The following NLRP12 variants were observed in gnomAD, a reference collection of about 807,000 sequenced individuals.
NLRP12 encodes NLR family pyrin domain containing 12, also known as NACHT, LRR and PYD domains-containing protein 12.
A neutral mutation model predicts 91.2 loss-of-function variants in NLRP12; 108 were observed. The observed-to-expected ratio is 1.18, with a 90% CI of 1.01 to 1.39. NLRP12 has a LOEUF of 1.39. Ranked by LOEUF, NLRP12 falls within the 40% of genes most tolerant of loss-of-function variation. NLRP12 has a pLI of 0.00. For missense variants in NLRP12, 1,530 were observed against 1,352.7 expected (o/e 1.13, Z -2.06); for synonymous variants, 613 against 566.7 (o/e 1.08, Z -1.16).
Position 53,819,600 on chromosome 19 carries a change from C to T in NLRP12, c.289+4286G>A, listed in dbSNP as rs796623529. 4.8e-3 allele frequency among the ~76,000 whole-genome samples: 124 copies of T among 25,616 alleles called. 13 individuals are homozygous for T. Among genetic ancestry groups the T allele is most frequent in the African/African-American group, 0.013 (103 of 7,900 alleles). The allele number at this position is 25,616 out of a possible 152,430, so 16.8% of individuals were successfully genotyped here. A position where few individuals can be genotyped will look rare whatever the true frequency, so the allele number is the denominator to read the frequency against. On this transcript the variant is annotated intron_variant, in intron 1 of 9. Coordinates refer to ENST00000324134, the MANE Select transcript of NLRP12 (RefSeq NM_144687.4). ...ATATATGTATGTATACGTATATACG[C>T]ATATATATGTATGTATACGTATATA...
intron 6 of NLRP12, 24 bp downstream of exon 6, chr19:53,803,928 T>C (rs780848189): frequency 6.2e-7 from 1 of 1,610,380 alleles, no homozygotes; most frequent in African/African-American, 1.3e-5. Flanking sequence ...CATTTTATTA[T>C]AGTTGACCCC....
intron 3 of NLRP12, 37 bp from the exon 4 acceptor site, chr19:53,807,702 C>T (rs376792117): frequency 1.5e-5 from 24 of 1,612,320 alleles, no homozygotes; most frequent in Middle Eastern, 3.3e-4. Flanking sequence ...TCTGGTGTTA[C>T]TGGTGCTTGA....
In NLRP12 at chr19:53,813,289, T is replaced by TTC. The variant is rs1182234951; in HGVS notation, c.370+1618_370+1619insGA. On this transcript the variant is annotated intron_variant, in intron 2 of 9. Transcript: ENST00000324134. ...CCCTGGCAACTGCTATTCTTTTTTT[T>TTC]TTTTCTTTTCTTTTTTTTTTTTTTT... Among the ~76,000 whole-genome samples, 165 of 139,960 alleles carry TTC rather than the reference T, an allele frequency of 1.2e-3. 1 individual carries two copies. Among genetic ancestry groups the TTC allele is most frequent in the South Asian group, 1.8e-3 (8 of 4,350 alleles). 91.8% of individuals were successfully genotyped at this position (139,960 alleles called of 152,430 possible).
intron 9 of NLRP12, among the ~76,000 whole-genome samples, chr19:53,795,380 A>AT (rs71304175): frequency 0.53 from 77,799 of 147,770 alleles, 20,509 homozygotes; most frequent in South Asian, 0.63. Flanking sequence ...AGACAAGGAA[A>AT]TTTTTTTTTT....
At chr19:53,816,849 A>C in intron 1 of NLRP12, among the ~76,000 whole-genome samples, 1 of 151,082 alleles carries the variant, frequency 6.6e-6, no homozygotes, top group Non-Finnish European at 1.5e-5. Context: ...GCCACTCAAA[A>C]ATTTTTAATT....
At chr19:53,805,522 T>TTC in intron 4 of NLRP12, 72 bp from the exon 5 acceptor site, 1 of 997,018 alleles carries the variant, frequency 1.0e-6, no homozygotes, top group Non-Finnish European at 1.3e-6. Context: ...TTTCTTTTGC[T>TTC]TTTTTTTTTT....
chr19:53,800,475 G>A (rs1487852816), intron 7 of NLRP12, among the ~76,000 whole-genome samples: 2 of 152,080 alleles, frequency 1.3e-5, no homozygotes, highest in Non-Finnish European at 2.9e-5. Flanking sequence ...AAAGTAAAGA[G>A]TGTTCAGAAG....
intron 4 of NLRP12, among the ~76,000 whole-genome samples, chr19:53,806,580 C>A (rs372301587): frequency 6.8e-6 from 1 of 147,920 alleles, no homozygotes; most frequent in African/African-American, 2.5e-5. Context: ...ACTCAGGAGG[C>A]CGAGGCAGGA....
intron 1 of NLRP12, among the ~76,000 whole-genome samples, chr19:53,818,463 T>C (rs552759457): frequency 6.6e-6 from 1 of 151,910 alleles, no homozygotes; most frequent in East Asian, 1.9e-4. Context: ...GTCAGGAGAT[T>C]GAGACCATCC....
chr19:53,798,943 T>C, intron 7 of NLRP12, among the ~76,000 whole-genome samples: 1 of 151,722 alleles, frequency 6.6e-6, no homozygotes, highest in Middle Eastern at 3.2e-3. Context: ...GGTTTCACCA[T>C]GTTGGTCAGG....
rs1013367362 is a variant in NLRP12 at position 53,824,226 on chromosome 19, T to C, written c.-52A>G. 34 of 1,588,620 alleles carry C rather than the reference T, an allele frequency of 2.1e-5. No homozygotes were observed. Among genetic ancestry groups the C allele is most frequent in the Non-Finnish European group, 2.6e-5 (30 of 1,162,798 alleles). On this transcript the variant is annotated 5_prime_UTR_variant, in exon 1 of 10. Transcript: ENST00000324134. The stretch of plus-strand genomic sequence containing the variant: ...GGACCTGGAGGCTGAGATGCTCCTA[T>C]GCACGGGACACAGGGCGACCCCAGC...
chr19:53,808,068 A>ATT (rs539654427), intron 3 of NLRP12: 143 of 286,180 alleles, frequency 5.0e-4, no homozygotes, highest in South Asian at 7.9e-4. Flanking sequence ...CTATCTTTTC[A>ATT]TTTTTTTTTT....
At chr19:53,819,501 A>G (rs190130074) in intron 1 of NLRP12, among the ~76,000 whole-genome samples, 2 of 128,048 alleles carry the variant, frequency 1.6e-5, no homozygotes, top group African/African-American at 2.9e-5. Flanking sequence ...ATATGTGTAT[A>G]TATATGTATA....
intron 7 of NLRP12, among the ~76,000 whole-genome samples, chr19:53,800,560 A>T (rs2091850825): frequency 6.6e-6 from 1 of 150,452 alleles, no homozygotes; most frequent in Non-Finnish European, 1.5e-5. Flanking sequence ...TGCTTGTGCA[A>T]AGGGCCGTGC....
chr19:53,818,558 G>C (rs534250243), intron 1 of NLRP12, among the ~76,000 whole-genome samples: 1 of 151,630 alleles, frequency 6.6e-6, no homozygotes, highest in Non-Finnish European at 1.5e-5. Flanking sequence ...CCAGGTACTC[G>C]GGAGGCTGAG....
At chr19:53,822,676 G>A (rs1405808584) in intron 1 of NLRP12, among the ~76,000 whole-genome samples, 1 of 149,542 alleles carries the variant, frequency 6.7e-6, no homozygotes, top group African/African-American at 2.5e-5. Flanking sequence ...GACGGAGGTT[G>A]CAGTGAGCGG....
intron 7 of NLRP12, among the ~76,000 whole-genome samples, chr19:53,800,558 C>T (rs970593859): frequency 6.7e-6 from 1 of 150,198 alleles, no homozygotes; most frequent in Non-Finnish European, 1.5e-5. Flanking sequence ...ATTGCTTGTG[C>T]AAAGGGCCGT....
intron 1 of NLRP12, among the ~76,000 whole-genome samples, chr19:53,822,668 C>G (rs1054395130): frequency 6.9e-6 from 1 of 145,542 alleles, no homozygotes; most frequent in African/African-American, 2.6e-5. Flanking sequence ...ACCTGGGAGA[C>G]GGAGGTTGCA....
Position 53,819,443 on chromosome 19 carries a change from ATATATATATATATATGTG to A in NLRP12, c.289+4425_289+4442del, listed in dbSNP as rs1185449205. Among the ~76,000 whole-genome samples, 12 of 20,556 alleles carry A rather than the reference ATATATATATATATATGTG, an allele frequency of 5.8e-4. 2 individuals carry two copies. Among genetic ancestry groups the A allele is most frequent in the African/African-American group, 1.6e-3 (10 of 6,252 alleles). The allele number at this position is 20,556 out of a possible 152,430, so 13.5% of individuals were successfully genotyped here. ...TATATATATATATATATATATATATATATATATATATATATGTGTGTGTGTGTGTGTGTGTGTGTGTAT... is the reference window on the plus strand; with the variant it reads ...TATATATATATATATATATATATATATGTGTGTGTGTGTGTGTGTGTGTAT... On this transcript the variant is annotated intron_variant, in intron 1 of 9. Coordinates refer to ENST00000324134, the MANE Select transcript of NLRP12 (RefSeq NM_144687.4).
Sources: allele counts gnomAD v4.1 joint callset (sites outside exome capture counted in the v4.1 genomes callset), GRCh38; gene constraint gnomAD v4.1.1; transcripts MANE v1.5; gene names NCBI Gene and HGNC (gene_info 2026-07-23, HGNC 2026-07-21).